The following GPD2 variants were observed in gnomAD, a reference collection of about 807,000 sequenced individuals.
GPD2 encodes glycerol-3-phosphate dehydrogenase, mitochondrial.
GPD2 carries 54 observed loss-of-function variants against 82.4 expected under a neutral mutation model. The ratio of observed to expected loss-of-function variants is 0.66; its 90% CI spans 0.53 to 0.82. The LOEUF is 0.82. Among genes scored for constraint, GPD2 ranks in the 40% least tolerant of loss-of-function variants. The probability of loss-of-function intolerance (pLI) is 0.00; values close to 1 mark genes in which losing one functional copy is unlikely to be tolerated. For missense variants in GPD2, 748 were observed against 896.2 expected (o/e 0.83, Z 2.11); for synonymous variants, 288 against 306.1 (o/e 0.94, Z 0.62).
At chr2:156,458,206 T>C (rs1007063439) in intron 1 of GPD2, among the ~76,000 whole-genome samples, 7 of 152,200 alleles carry the variant, frequency 4.6e-5, no homozygotes, top group African/African-American at 7.2e-5. Context: ...CATTTTAGGA[T>C]GGTCTGTCTC....
chr2:156,535,407 G>A (rs1259237708), intron 6 of GPD2, among the ~76,000 whole-genome samples: 1 of 107,528 alleles, frequency 9.3e-6, no homozygotes, highest in Non-Finnish European at 1.8e-5. Context: ...GGCGGGGAGA[G>A]AGAGAGACCT....
intron 9 of GPD2, among the ~76,000 whole-genome samples, chr2:156,560,540 G>A (rs150022862): frequency 1.1e-4 from 17 of 152,178 alleles, no homozygotes; most frequent in East Asian, 5.8e-4. Flanking sequence ...CCCTGTGTGC[G>A]GCACCTGTCA....
rs1191347033 is a variant in GPD2, at chr2:156,582,950, T to C, written c.*32T>C. ...GCAGTAAATCCACAGCCAACAAACA[T>C]AGAAACGACAAATCACCATGTAACA... On this transcript the variant is annotated 3_prime_UTR_variant, in exon 17 of 17. Transcript: ENST00000438166. 4 of 1,610,178 alleles carry C rather than the reference T, an allele frequency of 2.5e-6. No homozygotes were observed. The South Asian group carries it at 3.3e-5, about 13-fold the overall frequency.
At chr2:156,433,876 T>C (rs1397160472), upstream of GPD2, among the ~76,000 whole-genome samples, 2 of 152,142 alleles carry the variant, frequency 1.3e-5, no homozygotes, top group African/African-American at 4.8e-5. Context: ...GATGGTCCCA[T>C]TTCCCAAGCA....
intron 1 of GPD2, among the ~76,000 whole-genome samples, chr2:156,464,652 T>G (rs1419680881): frequency 6.6e-6 from 1 of 152,130 alleles, no homozygotes; most frequent in African/African-American, 2.4e-5. Flanking sequence ...GTATTCAAAT[T>G]GAGAACTTTC....
intron 9 of GPD2, among the ~76,000 whole-genome samples, chr2:156,564,111 T>G (rs1687276238): frequency 6.6e-6 from 1 of 152,136 alleles, no homozygotes; most frequent in Non-Finnish European, 1.5e-5. Context: ...TTTGGGTTTT[T>G]TTGTTTGTTA....
chr2:156,507,263 C>T (rs538459874), intron 3 of GPD2, among the ~76,000 whole-genome samples: 1 of 152,192 alleles, frequency 6.6e-6, no homozygotes, highest in African/African-American at 2.4e-5. Context: ...CCTCCCACCC[C>T]TCCCAAAGTG....
the GPD2 span, among the ~76,000 whole-genome samples, chr2:156,425,273 A>G: frequency 3.3e-5 from 5 of 151,534 alleles, no homozygotes; most frequent in East Asian, 9.7e-4. Context: ...TAATTTTTTT[A>G]TTTTACTTTT....
At chr2:156,561,282 G>A (rs185027338) in intron 9 of GPD2, among the ~76,000 whole-genome samples, 61 of 151,914 alleles carry the variant, frequency 4.0e-4, no homozygotes, top group East Asian at 2.3e-3. Flanking sequence ...TCCTGACCTC[G>A]TGATCCACCC....
upstream of GPD2, chr2:156,435,767 G>A (rs896253699): frequency 6.6e-6 from 1 of 152,390 alleles, no homozygotes; most frequent in East Asian, 1.9e-4. Flanking sequence ...CAGAGTAGGA[G>A]AAGCCAGATC....
intron 9 of GPD2, among the ~76,000 whole-genome samples, chr2:156,562,612 A>G (rs1337084134): frequency 6.6e-6 from 1 of 152,158 alleles, no homozygotes. Flanking sequence ...TAAATAACTA[A>G]TGTGAAGCTA....
At chr2:156,477,973 A>G (rs1683571890) in intron 2 of GPD2, among the ~76,000 whole-genome samples, 1 of 152,232 alleles carries the variant, frequency 6.6e-6, no homozygotes, top group South Asian at 2.1e-4. Context: ...AAAGGTCACA[A>G]TATCTAATAT....
rs1332411419 is a variant in GPD2, at chr2:156,538,637, G to A, written c.662-10971G>A. Among the ~76,000 whole-genome samples the A allele has an allele frequency of 3.3e-5, 5 of 151,734 alleles. No homozygotes were observed. In the East Asian group the frequency reaches 5.8e-4, roughly 18 times the overall value. On this transcript the variant is annotated intron_variant, in intron 6 of 16. Transcript: ENST00000438166. The stretch of plus-strand genomic sequence containing the variant: ...AGATTGAGACCATCCTGGCTAACAC[G>A]GTGAAACCCCGTCTCTACTAAAAAT...
At chr2:156,534,077 C>T (rs538068931) in intron 6 of GPD2, among the ~76,000 whole-genome samples, 4 of 152,212 alleles carry the variant, frequency 2.6e-5, no homozygotes, top group Admixed American at 1.3e-4. Context: ...ATGGTAAATG[C>T]GGGGTGTCTT....
chr2:156,482,794 T>G (rs1683782869), intron 2 of GPD2, among the ~76,000 whole-genome samples: 1 of 152,300 alleles, frequency 6.6e-6, no homozygotes, highest in Admixed American at 6.5e-5. Context: ...CTGTTATATG[T>G]GTTAATTAAG....
chr2:156,538,856 G>A (rs903260098), intron 6 of GPD2, among the ~76,000 whole-genome samples: 2 of 147,746 alleles, frequency 1.4e-5, no homozygotes, highest in South Asian at 4.2e-4. Flanking sequence ...ATTTTGCCTA[G>A]TAACTATAGA....
intron 13 of GPD2, among the ~76,000 whole-genome samples, chr2:156,575,911 T>C (rs1323044339): frequency 1.3e-5 from 2 of 152,180 alleles, no homozygotes; most frequent in African/African-American, 4.8e-5. Flanking sequence ...TTGATTCAAA[T>C]GGTTAAATTA....
At chr2:156,509,014 G>A (rs1442127384) in intron 3 of GPD2, among the ~76,000 whole-genome samples, 1 of 152,034 alleles carries the variant, frequency 6.6e-6, no homozygotes, top group Non-Finnish European at 1.5e-5. Context: ...CAGGATTTTG[G>A]CTCTCAATAT....
chr2:156,542,613 A>G (rs1305854368), intron 6 of GPD2, among the ~76,000 whole-genome samples: 1 of 152,206 alleles, frequency 6.6e-6, no homozygotes, highest in Non-Finnish European at 1.5e-5. Context: ...CAACTTTGCC[A>G]GGCACTTAAC....
Sources: gnomAD v4.1 joint callset for allele counts (sites outside exome capture counted in the v4.1 genomes callset) on GRCh38, gnomAD v4.1.1 for gene constraint, MANE v1.5 for transcripts, NCBI Gene and HGNC (gene_info 2026-07-23, HGNC 2026-07-21) for gene names.